Variants in LITAF observed in about 807,000 individuals in gnomAD.
LITAF encodes the protein lipopolysaccharide-induced tumor necrosis factor-alpha factor.
A neutral mutation model predicts 14.5 loss-of-function variants in LITAF; 9 were observed. The ratio of observed to expected loss-of-function variants is 0.62; its 90% CI spans 0.37 to 1.08. The LOEUF is 1.08. Among genes scored for constraint, LITAF ranks in the 50% least tolerant of loss-of-function variants. The probability of loss-of-function intolerance (pLI) is 0.01; values close to 1 mark genes in which losing one functional copy is unlikely to be tolerated. For synonymous variants in LITAF, 98 were observed against 88.2 expected (o/e 1.11, Z -0.62); for missense variants, 206 against 213.4 (o/e 0.97, Z 0.22).
chr16:11,592,865 A>G (rs2064856116), intron 1 of LITAF, among the ~76,000 whole-genome samples: 1 of 151,822 alleles, frequency 6.6e-6, no homozygotes, highest in African/African-American at 2.4e-5. Context: ...GCGAAACCCC[A>G]TCTCTGCTAA....
In LITAF at chr16:11,632,372, G is replaced by A. The variant is rs1388017427; in HGVS notation, c.85+1161C>T. ...CTGGAGAGAAGGTGAAGGAGGCACC[G>A]AGATGACAGAGACAGGGAGAGGGAC... On this transcript the variant is annotated intron_variant, in intron 3 of 3. Transcript: ENST00000574848. This position sits in a 1 kb window ranked among gnomAD's most constrained non-coding sequence, Gnocchi z 4.8. Among the ~76,000 whole-genome samples, 2 of 152,060 alleles carry A rather than the reference G, an allele frequency of 1.3e-5. No homozygotes were observed.
chr16:11,639,620 A>T (rs78118852), upstream of LITAF, among the ~76,000 whole-genome samples: 9,702 of 31,192 alleles, frequency 0.31, 694 homozygotes, highest in East Asian at 0.49. Flanking sequence ...AAAGATTTTT[A>T]AAAAAAAAAA....
At chr16:11,572,745 C>T (rs1567246240) in intron 1 of LITAF, among the ~76,000 whole-genome samples, 1 of 152,146 alleles carries the variant, frequency 6.6e-6, no homozygotes, top group Non-Finnish European at 1.5e-5. Flanking sequence ...ACGTAGAACC[C>T]CGGCACAGAA....
At chr16:11,626,286 C>A (rs1186276643) in intron 3 of LITAF, among the ~76,000 whole-genome samples, 1 of 152,146 alleles carries the variant, frequency 6.6e-6, no homozygotes, top group Non-Finnish European at 1.5e-5. Context: ...TCAGGCAATT[C>A]TCCTGCCTCA....
intron 1 of LITAF, among the ~76,000 whole-genome samples, chr16:11,579,734 C>T (rs2064704838): frequency 6.6e-6 from 1 of 152,168 alleles, no homozygotes; most frequent in African/African-American, 2.4e-5. Context: ...ACTCCCTGTA[C>T]TAACTTCACA....
intron 2 of LITAF, among the ~76,000 whole-genome samples, chr16:11,633,788 A>G (rs2065128163): frequency 6.6e-6 from 1 of 152,160 alleles, no homozygotes; most frequent in Non-Finnish European, 1.5e-5. Flanking sequence ...CTTTCCTAAT[A>G]AACTTGCTTT....
chr16:11,629,267 G>T (rs1567268358), intron 3 of LITAF: 1 of 152,358 alleles, frequency 6.6e-6, no homozygotes, highest in African/African-American at 2.4e-5. Context: ...CAGCCGGGAA[G>T]TCAGACATGA....
At chr16:11,625,786 C>T (rs1246176418) in intron 3 of LITAF, among the ~76,000 whole-genome samples, 1 of 152,152 alleles carries the variant, frequency 6.6e-6, no homozygotes, top group South Asian at 2.1e-4. Flanking sequence ...GCGCTGGAGA[C>T]AGAAAGAGCC....
At chr16:11,628,449 G>A (rs1232463261) in intron 3 of LITAF, among the ~76,000 whole-genome samples, 1 of 152,298 alleles carries the variant, frequency 6.6e-6, no homozygotes, top group Non-Finnish European at 1.5e-5. Flanking sequence ...TGCTTTTACC[G>A]AAAGTATCCA....
chr16:11,581,280 G>C (rs1156373714), intron 1 of LITAF, among the ~76,000 whole-genome samples: 2 of 152,188 alleles, frequency 1.3e-5, no homozygotes, highest in East Asian at 3.8e-4. Flanking sequence ...CATAGGCCAA[G>C]AGTAAGAAAA....
intron 3 of LITAF, among the ~76,000 whole-genome samples, chr16:11,618,775 G>A (rs193235324): frequency 0.012 from 1,894 of 152,118 alleles, 19 homozygotes; most frequent in Middle Eastern, 0.051. Context: ...ACGAGGTCAG[G>A]AGTTCGAGTT....
intron 2 of LITAF, among the ~76,000 whole-genome samples, chr16:11,554,512 G>A (rs1045644117): frequency 2.0e-5 from 3 of 152,082 alleles, no homozygotes; most frequent in African/African-American, 4.8e-5. Context: ...GCCGGGCACG[G>A]TGGCTCACAC....
intron 1 of LITAF, chr16:11,561,116 T>C (rs773724984): frequency 6.6e-6 from 1 of 152,206 alleles, no homozygotes; most frequent in Non-Finnish European, 1.5e-5. Context: ...CCATGATTTA[T>C]GGTGAAAACT....
At chr16:11,617,159 G>T (rs927800101) in intron 3 of LITAF, among the ~76,000 whole-genome samples, 2 of 152,034 alleles carry the variant, frequency 1.3e-5, no homozygotes, top group African/African-American at 4.8e-5. Flanking sequence ...GGCAGTAGTT[G>T]CAGTGAGCCG....
At chr16:11,616,067 C>G (rs970969486) in intron 3 of LITAF, among the ~76,000 whole-genome samples, 1 of 152,228 alleles carries the variant, frequency 6.6e-6, no homozygotes, top group Non-Finnish European at 1.5e-5. Context: ...AATACATCCA[C>G]TACCTGGGAG....
intron 3 of LITAF, among the ~76,000 whole-genome samples, chr16:11,622,616 T>G (rs924808970): frequency 1.3e-5 from 2 of 152,232 alleles, no homozygotes; most frequent in Admixed American, 1.3e-4. Flanking sequence ...TTGCACCGTT[T>G]AACAGGGTTA....
chr16:11,602,782 T>A (rs1454787772), upstream of LITAF, among the ~76,000 whole-genome samples: 30 of 129,302 alleles, frequency 2.3e-4, no homozygotes, highest in Middle Eastern at 4.1e-3. Flanking sequence ...AAAAAAAAAA[T>A]TGGAAAGCCT....
chr16:11,570,872 T>G (rs1387632256), intron 1 of LITAF, among the ~76,000 whole-genome samples: 1 of 151,998 alleles, frequency 6.6e-6, no homozygotes, highest in Middle Eastern at 3.4e-3. Flanking sequence ...GAGCCACAGC[T>G]GCACCACTAC....
intron 3 of LITAF, among the ~76,000 whole-genome samples, chr16:11,630,431 G>A (rs1310731409): frequency 1.3e-5 from 2 of 152,102 alleles, no homozygotes; most frequent in Admixed American, 1.3e-4. Flanking sequence ...GCTCTGGCGG[G>A]GACACCTCTT....
Sources: gnomAD v4.1 joint callset for allele counts (sites outside exome capture counted in the v4.1 genomes callset) on GRCh38, gnomAD v4.1.1 for gene constraint, Gnocchi (gnomAD v3.1) non-coding constraint, MANE v1.5 for transcripts, NCBI Gene and HGNC (gene_info 2026-07-23, HGNC 2026-07-21) for gene names.